ATP11C: variants seen among roughly 807,000 people sequenced by gnomAD.
ATP11C encodes the protein phospholipid-transporting ATPase IG.
A neutral mutation model predicts 97.4 loss-of-function variants in ATP11C; 36 were observed. That is an observed-to-expected ratio of 0.37 (90% CI 0.28 to 0.49). The LOEUF (loss-of-function observed/expected upper bound fraction) is 0.49, where lower values mean the gene tolerates loss of function less well. ATP11C is among the 20% of genes least tolerant of loss of function. The pLI is 0.98. For missense variants in ATP11C, 730 were observed against 824.6 expected, an observed-to-expected ratio of 0.89 and a Z score of 1.40; for synonymous variants, 275 against 290.9, an observed-to-expected ratio of 0.95 and a Z score of 0.56.
chrX:139,741,044 C>T lies in ATP11C; in HGVS notation c.3081G>A (p.Trp1027Ter). 8.3e-7 allele frequency: 1 copy of T among 1,207,857 alleles called. No individual in the cohort carries two copies. Among genetic ancestry groups the T allele is most frequent in the Non-Finnish European group, 1.1e-6 (1 of 892,622 alleles). The change falls in exon 27 of 30, where the codon TGG (tryptophan) becomes TGA (stop). Residue 1027 changes from tryptophan (W) to a stop codon, truncating the protein, a stop_gained. Transcript: ENST00000682941. LOFTEE classifies it high-confidence loss of function. Reference sequence around the variant, plus strand: ...AAAATACATAGAAGGCTAAAGAACCCCAAATCACAAAGTGATTTATCCACG... The same window carrying T: ...AAAATACATAGAAGGCTAAAGAACCTCAAATCACAAAGTGATTTATCCACG... Reference protein sequence around the residue: ...FWTWINHFVIWGSLAFYVFFS... With the variant: ...FWTWINHFVI
At chrX:139,914,095 A>G (rs1034813929) in intron 1 of ATP11C, among the ~76,000 whole-genome samples, 2 of 112,023 alleles carry the variant, frequency 1.8e-5, no homozygotes, top group Non-Finnish European at 3.8e-5. Context: ...ACTTAGATAT[A>G]TATCATCCCA....
At chrX:139,923,068 G>C (rs1039304559) in intron 1 of ATP11C, among the ~76,000 whole-genome samples, 2 of 112,297 alleles carry the variant, frequency 1.8e-5, no homozygotes, top group African/African-American at 6.5e-5. Flanking sequence ...TTACAGGCGT[G>C]AGCCACTGAG....
At chrX:139,835,625 G>A (rs1003358432) in intron 1 of ATP11C, among the ~76,000 whole-genome samples, 4 of 107,916 alleles carry the variant, frequency 3.7e-5, no homozygotes, top group Non-Finnish European at 7.7e-5. Flanking sequence ...GGCTGGTCTC[G>A]AACTCCTGAC....
chrX:139,766,093 A>AC (rs749002361), intron 20 of ATP11C, among the ~76,000 whole-genome samples: 1 of 112,102 alleles, frequency 8.9e-6, no homozygotes, highest in Admixed American at 9.5e-5. Flanking sequence ...ATAATGCCAC[A>AC]CCCAAGAATA....
chrX:139,933,521 C>A (rs889998800), upstream of ATP11C, among the ~76,000 whole-genome samples: 1 of 112,562 alleles, frequency 8.9e-6, no homozygotes, highest in Non-Finnish European at 1.9e-5. Context: ...GCATCCCTCC[C>A]AACTACCACA....
intron 19 of ATP11C, among the ~76,000 whole-genome samples, chrX:139,770,519 G>A (rs1210606074): frequency 9.0e-6 from 1 of 111,656 alleles, no homozygotes; most frequent in Non-Finnish European, 1.9e-5. Context: ...TATGGACAGT[G>A]CTTCACTTAA....
intron 1 of ATP11C, among the ~76,000 whole-genome samples, chrX:139,875,604 A>T (rs989119337): frequency 1.8e-5 from 2 of 110,453 alleles, no homozygotes; most frequent in East Asian, 5.6e-4. Flanking sequence ...CTCAAAAAAA[A>T]TAAAAAATAA....
In ATP11C at chrX:139,798,788, T is replaced by C. The variant is rs368099032; in HGVS notation, c.711-45A>G. ...AGCTTATCCAAACAAGCCAATAGCA[T>C]CAACAACTCTGGGGACAGATTTTGC... is the stretch of plus-strand genomic sequence containing the variant. On this transcript the variant is annotated intron_variant, in intron 8 of 29. Transcript: ENST00000682941. 28 of 1,046,029 alleles carry C rather than the reference T, an allele frequency of 2.7e-5. No homozygotes were observed. In the African/African-American group the frequency reaches 4.7e-4, roughly 17 times the overall value. The allele number at this position is 1,046,029 out of a possible 1,213,427, so 86.2% of individuals were successfully genotyped here. A position where few individuals can be genotyped will look rare whatever the true frequency, so the allele number is the denominator to read the frequency against.
intron 16 of ATP11C, among the ~76,000 whole-genome samples, chrX:139,784,401 G>C (rs753403312): frequency 8.1e-5 from 9 of 111,581 alleles, no homozygotes; most frequent in Non-Finnish European, 1.7e-4. Flanking sequence ...AGTGGGATAT[G>C]TTCCCCCAAG....
intron 27 of ATP11C, among the ~76,000 whole-genome samples, chrX:139,739,269 C>A (rs369911313): frequency 1.8e-5 from 2 of 110,277 alleles, no homozygotes; most frequent in South Asian, 7.9e-4. Context: ...TACCTTCTGA[C>A]TAATGCATCC....
chrX:139,756,406 G>A (rs1002735169), intron 23 of ATP11C, among the ~76,000 whole-genome samples: 7 of 112,084 alleles, frequency 6.2e-5, no homozygotes, highest in Admixed American at 4.7e-4. Flanking sequence ...CCATTGTGGA[G>A]AGCAGTGTGA....
intron 1 of ATP11C, among the ~76,000 whole-genome samples, chrX:139,878,807 G>A (rs2497265): frequency 0.016 from 1,721 of 109,608 alleles, 37 homozygotes; most frequent in African/African-American, 0.055. Context: ...AATACCTAGA[G>A]GCATCTGGCA....
chrX:139,822,085 CA>C (rs147297958), intron 2 of ATP11C, among the ~76,000 whole-genome samples: 11 of 105,942 alleles, frequency 1.0e-4, no homozygotes, highest in Admixed American at 2.0e-4. Context: ...ACCTCTATGG[CA>C]AAAAAAAAAG....
rs747717575 is a variant in ATP11C at position 139,749,638 on chromosome X, T to C, written c.2828+387A>G. ...TGGGTGCAGTTTACATGAGAAAGGG[T>C]AATATAACTTCATCAGTTCAATCTA... is the stretch of plus-strand genomic sequence containing the variant. On this transcript the variant is annotated intron_variant, in intron 24 of 29. Transcript: ENST00000682941. 6.3e-5 allele frequency among the ~76,000 whole-genome samples: 7 copies of C among 111,944 alleles called. No individual in the cohort carries two copies. In the South Asian group the frequency reaches 2.6e-3, roughly 42 times the overall value.
At chrX:139,841,385 T>C (rs2083827443) in intron 1 of ATP11C, among the ~76,000 whole-genome samples, 2 of 112,722 alleles carry the variant, frequency 1.8e-5, no homozygotes, top group East Asian at 2.8e-4. Context: ...TACTAGTTAA[T>C]GAACTGTGTC....
Position 139,785,207 on chromosome X carries a change from A to C in ATP11C, c.1666+19T>G. ...TACAAATCAACAAAGAGAAAAATTC[A>C]AGCTTTTCAGACATGTACCTTCTTG... On this transcript the variant is annotated intron_variant, in intron 16 of 29. Coordinates refer to ENST00000682941, the MANE Select transcript of ATP11C (RefSeq NM_001353812.2). 8.6e-7 allele frequency: 1 copy of C among 1,166,776 alleles called. No individual in the cohort carries two copies. The highest frequency in any genetic ancestry group is 1.2e-6 in the Non-Finnish European group (1 of 865,262).
At chrX:139,757,581 CTT>C (rs2081962884) in intron 23 of ATP11C, among the ~76,000 whole-genome samples, 1 of 111,527 alleles carries the variant, frequency 9.0e-6, no homozygotes, top group African/African-American at 3.3e-5. Context: ...TCAAAATACT[CTT>C]TTTAATGTTA....
intron 1 of ATP11C, among the ~76,000 whole-genome samples, chrX:139,882,112 G>A (rs2497284): frequency 0.18 from 20,190 of 110,534 alleles, 3,116 homozygotes; most frequent in African/African-American, 0.5. Context: ...TCATTCAAAC[G>A]AACACTTCCT....
At chrX:139,860,339 T>C (rs1318837242) in intron 1 of ATP11C, among the ~76,000 whole-genome samples, 1 of 111,131 alleles carries the variant, frequency 9.0e-6, no homozygotes, top group East Asian at 2.8e-4. Flanking sequence ...AATTTACCAT[T>C]TGAGGACTTG....
Sources: allele counts gnomAD v4.1 joint callset (sites outside exome capture counted in the v4.1 genomes callset), GRCh38; gene constraint gnomAD v4.1.1; transcripts MANE v1.5; gene names NCBI Gene and HGNC (gene_info 2026-07-23, HGNC 2026-07-21).